CAPN5: variants seen among roughly 807,000 people sequenced by gnomAD.
CAPN5 encodes the protein calpain 5.
In CAPN5, 54 loss-of-function variants were observed where a neutral mutation model predicts 73.0. That is an observed-to-expected ratio of 0.74 (90% CI 0.59 to 0.93). The LOEUF (loss-of-function observed/expected upper bound fraction) is 0.93, where lower values mean the gene tolerates loss of function less well. Among genes scored for constraint, CAPN5 ranks in the 40% least tolerant of loss-of-function variants. The pLI is 0.00. For synonymous variants in CAPN5, 335 were observed against 356.9 expected, an observed-to-expected ratio of 0.94 and a Z score of 0.69; for missense variants, 785 against 882.9, an observed-to-expected ratio of 0.89 and a Z score of 1.41.
In CAPN5 at chr11:77,123,950, C is replaced by T; in HGVS notation, c.*80C>T. ...CTGGGCCTGAGTCTAGCCTGGGAGC[C>T]AGGATACTGGGGTCCTTTTCCCACT... On this transcript the variant is annotated 3_prime_UTR_variant, in exon 13 of 13. Transcript: ENST00000648180. The T allele has an allele frequency of 1.4e-6, 2 of 1,389,534 alleles. No homozygotes were observed. The highest frequency in any genetic ancestry group is 1.3e-5 in the South Asian group (1 of 77,124). 86.1% of individuals were successfully genotyped at this position (1,389,534 alleles called of 1,614,324 possible). A position where few individuals can be genotyped will look rare whatever the true frequency, so the allele number is the denominator to read the frequency against.
At chr11:77,067,403 C>T (rs889376805) in intron 1 of CAPN5, among the ~76,000 whole-genome samples, 1 of 151,608 alleles carries the variant, frequency 6.6e-6, no homozygotes, top group Non-Finnish European at 1.5e-5. Flanking sequence ...GCGCCTAACA[C>T]CCGGGGCTAG....
intron 10 of CAPN5, among the ~76,000 whole-genome samples, chr11:77,121,708 C>A (rs1258234280): frequency 2.0e-5 from 3 of 152,214 alleles, no homozygotes; most frequent in African/African-American, 7.2e-5. Context: ...AGTAAGGTGC[C>A]TTTCCCCTGG....
chr11:77,118,924 C>T, intron 8 of CAPN5, 106 bp from the exon 9 acceptor site: 1 of 1,256,542 alleles, frequency 8.0e-7, no homozygotes, highest in Non-Finnish European at 1.1e-6. Flanking sequence ...CAGAGAGGTG[C>T]TGTGACTGGT....
intron 2 of CAPN5, chr11:77,087,842 C>A (rs1328412959): frequency 1.0e-5 from 15 of 1,474,862 alleles, no homozygotes; most frequent in Non-Finnish European, 1.3e-5. Flanking sequence ...ATTGACTCTG[C>A]AGGTGGGACC....
chr11:77,106,248 C>T lies in CAPN5; in HGVS notation c.298-6341C>T, dbSNP rs570490321. Among the ~76,000 whole-genome samples the T allele has an allele frequency of 8.1e-4, 123 of 151,110 alleles. 1 individual carries two copies. Among genetic ancestry groups the T allele is most frequent in the Non-Finnish European group, 1.1e-3 (72 of 67,740 alleles). On this transcript the variant is annotated intron_variant, in intron 3 of 12. Transcript: ENST00000648180. ...CCCTCACAGCATGCGCAGAACCCTT[C>T]CCCAGCCCCGCACCCAACCCCCACC...
chr11:77,100,904 G>C (rs2135452619), intron 3 of CAPN5, among the ~76,000 whole-genome samples: 2 of 152,292 alleles, frequency 1.3e-5, no homozygotes, highest in East Asian at 3.9e-4. Flanking sequence ...TCAGTCACCT[G>C]CTGCCATGCC....
intron 1 of CAPN5, chr11:77,072,875 C>T: frequency 2.9e-6 from 1 of 343,262 alleles, no homozygotes; most frequent in Non-Finnish European, 5.8e-6. Flanking sequence ...GTGTTCCCCT[C>T]CCTGCCACTC....
chr11:77,114,035 G>A (rs545396012), intron 4 of CAPN5, among the ~76,000 whole-genome samples: 2 of 142,250 alleles, frequency 1.4e-5, no homozygotes, highest in South Asian at 5.2e-4. Context: ...TTTTAAGATT[G>A]AGCCACTAAG....
Position 77,120,845 on chromosome 11 carries a change from T to C in CAPN5, c.1423T>C (p.Phe475Leu), listed in dbSNP as rs782192775. 1.1e-5 allele frequency: 17 copies of C among 1,614,114 alleles called. No individual in the cohort carries two copies. The highest frequency in any genetic ancestry group is 1.4e-5 in the Non-Finnish European group (17 of 1,179,990). The change falls in exon 10 of 13, where the codon TTC becomes CTC. Residue 475 changes from phenylalanine to leucine, a missense_variant. Physicochemically the swap from Phe to Leu is conservative, Grantham distance 22. Coordinates refer to ENST00000648180, the MANE Select transcript of CAPN5 (RefSeq NM_004055.5). ...CCGCTATGTCATCATCCCCACAACC[T>C]TCGAGCCAGGCCACACTGGCGAGTT... ...EGRYVIIPTT[F>L]EPGHTGEFLL...
In CAPN5 at chr11:77,078,221, C is replaced by T. The variant is rs560013079; in HGVS notation, c.-35-6631C>T. 7.2e-5 allele frequency among the ~76,000 whole-genome samples: 11 copies of T among 152,236 alleles called. No individual in the cohort carries two copies. In the East Asian group the frequency reaches 1.2e-3, roughly 16 times the overall value. On this transcript the variant is annotated intron_variant, in intron 1 of 12. Transcript: ENST00000648180. ...AGGTCTTATATTTAAGTCTTTAGTC[C>T]GTTTGAGTCAATGTTTGCATACGAT... is the stretch of plus-strand genomic sequence containing the variant.
chr11:77,088,303 G>T (rs1565261668), intron 2 of CAPN5, among the ~76,000 whole-genome samples: 1 of 152,180 alleles, frequency 6.6e-6, no homozygotes, highest in African/African-American at 2.4e-5. Context: ...CCATTTCCTG[G>T]AGATGGCCCT....
intron 2 of CAPN5, chr11:77,088,017 G>T: frequency 3.3e-6 from 5 of 1,535,998 alleles, no homozygotes; most frequent in South Asian, 1.2e-5. Context: ...CCCCAGGCCT[G>T]GGAGCTCAGG....
chr11:77,080,146 T>G (rs1272788963), intron 1 of CAPN5, among the ~76,000 whole-genome samples: 1 of 152,228 alleles, frequency 6.6e-6, no homozygotes, highest in Non-Finnish European at 1.5e-5. Flanking sequence ...TCTTTTGTCA[T>G]ATATCAGGTG....
intron 3 of CAPN5, chr11:77,102,857 G>A (rs371439356): frequency 1.3e-4 from 204 of 1,598,208 alleles, no homozygotes; most frequent in Admixed American, 2.4e-4. Context: ...AGGACAGGCC[G>A]CAGCAGCCGC....
At chr11:77,122,472 CA>C in intron 11 of CAPN5, 103 bp from the exon 12 acceptor site, 1 of 1,000,654 alleles carries the variant, frequency 1.0e-6, no homozygotes, top group Non-Finnish European at 1.5e-6. Context: ...CCAGTCTCTC[CA>C]TCTGAATAAC....
intron 1 of CAPN5, among the ~76,000 whole-genome samples, chr11:77,080,166 T>C (rs2135416448): frequency 1.3e-5 from 2 of 152,330 alleles, no homozygotes; most frequent in Middle Eastern, 3.4e-3. Context: ...GTCCTTATAC[T>C]TGTGGCTTAT....
At chr11:77,118,136 T>G in intron 7 of CAPN5, 21 bp from the exon 8 acceptor site, 1 of 1,599,556 alleles carries the variant, frequency 6.3e-7, no homozygotes, top group Non-Finnish European at 8.5e-7. Context: ...GGTACCCTGC[T>G]CAGCCCCTCC....
rs1950534470 is a variant in CAPN5 at position 77,122,670 on chromosome 11, C to T, written c.1698C>T (p.Gly566=). The T allele has an allele frequency of 2.5e-6, 4 of 1,613,810 alleles. No individual in the cohort carries two copies. Among genetic ancestry groups the T allele is most frequent in the Admixed American group, 1.7e-5 (1 of 60,006 alleles). Residue 566 remains glycine (G), a synonymous_variant, in exon 12 of 13, where the codon GGC becomes GGT. Coordinates refer to ENST00000648180, the MANE Select transcript of CAPN5 (RefSeq NM_004055.5). ...CCACACCAGAGTACAATGTGAAAGG[C>T]ATCTTCTACCGCAAGAAGCTGAGCC... ...GTSTPEYNVK[G]IFYRKKLSQP...
chr11:77,102,218 A>G (rs1397438084), intron 3 of CAPN5, among the ~76,000 whole-genome samples: 2 of 152,150 alleles, frequency 1.3e-5, no homozygotes, highest in Non-Finnish European at 2.9e-5. Flanking sequence ...CTGGGCTGAG[A>G]TCCTGTCAAT....
Sources: allele counts gnomAD v4.1 joint callset (sites outside exome capture counted in the v4.1 genomes callset), GRCh38; gene constraint gnomAD v4.1.1; transcripts MANE v1.5; gene names NCBI Gene and HGNC (gene_info 2026-07-23, HGNC 2026-07-21).